LDB2: variants seen among roughly 807,000 people sequenced by gnomAD.
LDB2 encodes LIM domain binding 2, also known as LIM domain-binding protein 2.
A neutral mutation model predicts 44.3 loss-of-function variants in LDB2; 12 were observed. The observed-to-expected ratio is 0.27, with a 90% CI of 0.17 to 0.44. The LOEUF is 0.44. LDB2 is among the 20% of genes least tolerant of loss of function. The pLI is 1.00. For missense variants in LDB2, 344 were observed against 473.5 expected, an observed-to-expected ratio of 0.73 and a Z score of 2.54; for synonymous variants, 164 against 174.8, an observed-to-expected ratio of 0.94 and a Z score of 0.49.
At chr4:16,683,372 A>T (rs953820969) in intron 2 of LDB2, among the ~76,000 whole-genome samples, 7 of 152,344 alleles carry the variant, frequency 4.6e-5, no homozygotes, top group Middle Eastern at 3.4e-3. Flanking sequence ...TGAAATTTTT[A>T]AAAAATGGAG....
intron 1 of LDB2, among the ~76,000 whole-genome samples, chr4:16,872,120 A>C (rs10939693): frequency 0.25 from 37,594 of 151,768 alleles, 5,504 homozygotes; most frequent in East Asian, 0.69. Context: ...TAATAAGCGT[A>C]TGTATGTATA....
intron 1 of LDB2, among the ~76,000 whole-genome samples, chr4:16,856,079 A>G (rs1789296340): frequency 6.6e-6 from 1 of 152,190 alleles, no homozygotes; most frequent in Admixed American, 6.5e-5. Context: ...AATCTATGTG[A>G]GGCCAATTTT....
At chr4:16,727,399 C>A (rs1248182636) in intron 2 of LDB2, among the ~76,000 whole-genome samples, 1 of 152,200 alleles carries the variant, frequency 6.6e-6, no homozygotes, top group East Asian at 1.9e-4. Flanking sequence ...GGTCTAGGTG[C>A]ACTCTGCACC....
At position 16,595,817 on chromosome 4, in the gene LDB2, G is replaced by A. The variant is rs779508082; in HGVS notation, c.294C>T (p.Thr98=). The change falls in exon 3 of 8, where the codon ACC becomes ACT. Residue 98 remains threonine (T), a synonymous_variant. Transcript: ENST00000304523. ...AGTGTTTGAGAATGTAATACAGGTC[G>A]GTCACCCCTCCTTCAAACACAGTGC... is the stretch of plus-strand genomic sequence containing the variant. ...YFSTVFEGGV[T]DLYYILKHSK... 9.3e-6 allele frequency: 15 copies of A among 1,613,408 alleles called. No individual in the cohort carries two copies. In the African/African-American group the frequency reaches 1.6e-4, roughly 17 times the overall value.
chr4:16,665,703 A>G (rs1032270589), intron 2 of LDB2, among the ~76,000 whole-genome samples: 2 of 152,188 alleles, frequency 1.3e-5, no homozygotes, highest in Admixed American at 6.5e-5. Context: ...AACAGGTTTC[A>G]ATAGTAGCCC....
intron 2 of LDB2, among the ~76,000 whole-genome samples, chr4:16,670,134 C>T (rs539130739): frequency 2.6e-5 from 4 of 152,238 alleles, no homozygotes; most frequent in South Asian, 2.1e-4. Context: ...CTGAACCAAA[C>T]GTAGAGATCT....
In LDB2 at chr4:16,662,407, C is replaced by T. The variant is rs74913313; in HGVS notation, c.236-66532G>A. On this transcript the variant is annotated intron_variant, in intron 2 of 7. Transcript: ENST00000304523. ...TTCTGAAATCCCTGTTCTCCCATTC[C>T]TAATTTTTGTAAAGTCCACCCTCCC... Among the ~76,000 whole-genome samples the T allele has an allele frequency of 2.6e-4, 39 of 152,046 alleles. No individual in the cohort carries two copies. In the East Asian group the frequency reaches 3.3e-3, roughly 13 times the overall value.
intron 2 of LDB2, among the ~76,000 whole-genome samples, chr4:16,702,947 G>A (rs1345277545): frequency 1.3e-5 from 2 of 152,078 alleles, no homozygotes; most frequent in Non-Finnish European, 2.9e-5. Flanking sequence ...CTGTACTTAC[G>A]CTGAATATCT....
chr4:16,821,820 A>T (rs1027510631), intron 1 of LDB2, among the ~76,000 whole-genome samples: 1 of 148,804 alleles, frequency 6.7e-6, no homozygotes, highest in Middle Eastern at 3.3e-3. Context: ...AGGTTCTCTA[A>T]GCCTCATTTT....
chr4:16,680,623 A>G (rs907353471), intron 2 of LDB2, among the ~76,000 whole-genome samples: 2 of 152,222 alleles, frequency 1.3e-5, no homozygotes, highest in Non-Finnish European at 2.9e-5. Context: ...TGGCATGCCC[A>G]GTGCCAAGCA....
At chr4:16,876,113 CTTGCAT>C (rs1718299485) in intron 1 of LDB2, among the ~76,000 whole-genome samples, 1 of 152,216 alleles carries the variant, frequency 6.6e-6, no homozygotes, top group Non-Finnish European at 1.5e-5. Context: ...ACAAAATCAT[CTTGCAT>C]TAGCATGTTT....
At chr4:16,790,475 G>C (rs1418517363) in intron 1 of LDB2, among the ~76,000 whole-genome samples, 1 of 151,858 alleles carries the variant, frequency 6.6e-6, no homozygotes, top group African/African-American at 2.4e-5. Context: ...TTGATATTCA[G>C]TAATAGTGCT....
chr4:16,745,211 A>G (rs1209665255), intron 2 of LDB2, among the ~76,000 whole-genome samples: 1 of 152,194 alleles, frequency 6.6e-6, no homozygotes, highest in Non-Finnish European at 1.5e-5. Flanking sequence ...TGTGATTTCC[A>G]CAGAACAAGG....
At position 16,898,418 on chromosome 4, in the gene LDB2, G is replaced by T; in HGVS notation, c.68C>A (p.Pro23Gln). Residue 23 changes from proline (P) to glutamine (Q), a missense_variant, in exon 1 of 8, where the codon CCA becomes CAA. Coordinates refer to ENST00000304523, the MANE Select transcript of LDB2 (RefSeq NM_001290.5). ...PFGPFYRRHT[P>Q]YMVQPEYRIY... ...TCGGTACTCTGGCTGTACCATGTAT[G>T]GTGTATGCCTCCTATAAAATGGGCC... The T allele has an allele frequency of 6.2e-7, 1 of 1,613,600 alleles. No individual in the cohort carries two copies. The highest frequency in any genetic ancestry group is 8.5e-7 in the Non-Finnish European group (1 of 1,179,720).
chr4:16,770,159 A>AT (rs1424622040), intron 1 of LDB2, among the ~76,000 whole-genome samples: 4 of 151,798 alleles, frequency 2.6e-5, no homozygotes, highest in East Asian at 1.9e-4. Context: ...TGATGAAATA[A>AT]TTTTTTTTTG....
Position 16,759,263 on chromosome 4 carries a change from G to T in LDB2, c.133-3C>A. 6.3e-7 allele frequency: 1 copy of T among 1,585,684 alleles called. No individual in the cohort carries two copies. Among genetic ancestry groups the T allele is most frequent in the Non-Finnish European group, 8.7e-7 (1 of 1,154,160 alleles). On this transcript the variant is annotated splice_region_variant and splice_polypyrimidine_tract_variant and intron_variant, in intron 1 of 7. Transcript: ENST00000304523. ...TCCCACCAGAGGTTGTCACTATCCT[G>T]CAAAGAGACAGATCATTTATTTAAC...
intron 1 of LDB2, among the ~76,000 whole-genome samples, chr4:16,876,329 G>A (rs980802448): frequency 1.3e-5 from 2 of 152,054 alleles, no homozygotes; most frequent in Non-Finnish European, 2.9e-5. Context: ...CTGCTCTAAC[G>A]CTGCCTCTAA....
intron 2 of LDB2, among the ~76,000 whole-genome samples, chr4:16,740,502 T>C (rs2109010013): frequency 6.6e-6 from 1 of 152,330 alleles, no homozygotes; most frequent in East Asian, 1.9e-4. Context: ...TGATTGTCCC[T>C]CCATATCCTT....
At position 16,771,316 on chromosome 4, in the gene LDB2, T is replaced by C. The variant is rs76826853; in HGVS notation, c.133-12056A>G. ...AATATTCTTGAAACCTAGAAAAAAATAATGTTTTTCTTGATGATGGTCAAT... is the reference window on the plus strand; with the variant it reads ...AATATTCTTGAAACCTAGAAAAAAACAATGTTTTTCTTGATGATGGTCAAT... On this transcript the variant is annotated intron_variant, in intron 1 of 7. Coordinates refer to ENST00000304523, the MANE Select transcript of LDB2 (RefSeq NM_001290.5). 7.8e-3 allele frequency among the ~76,000 whole-genome samples: 1,181 copies of C among 152,084 alleles called. 16 individuals are homozygous for C. The highest frequency in any genetic ancestry group is 0.027 in the African/African-American group (1,126 of 41,498).
Sources: gnomAD v4.1 joint callset for allele counts (sites outside exome capture counted in the v4.1 genomes callset) on GRCh38, gnomAD v4.1.1 for gene constraint, MANE v1.5 for transcripts, NCBI Gene and HGNC (gene_info 2026-07-23, HGNC 2026-07-21) for gene names.